Variants in ARHGEF26 observed in about 807,000 individuals in gnomAD.
ARHGEF26 encodes Rho guanine nucleotide exchange factor (GEF) 26.
ARHGEF26 carries 59 observed loss-of-function variants against 89.4 expected under a neutral mutation model. The ratio of observed to expected loss-of-function variants is 0.66; its 90% CI spans 0.54 to 0.82. The LOEUF (loss-of-function observed/expected upper bound fraction) is 0.82. Ranked by LOEUF, ARHGEF26 falls within the 40% of genes least tolerant of loss-of-function variation. ARHGEF26 has a pLI of 0.00. For missense variants in ARHGEF26, 1,234 were observed against 1,085.6 expected (o/e 1.14, Z -1.92); for synonymous variants, 500 against 428.4 (o/e 1.17, Z -2.06).
intron 4 of ARHGEF26, among the ~76,000 whole-genome samples, chr3:154,142,151 G>A (rs554247221): frequency 6.6e-5 from 10 of 152,206 alleles, no homozygotes; most frequent in African/African-American, 2.4e-4. Context: ...TAAACTAGAT[G>A]GGCTATTTGG....
intron 8 of ARHGEF26, among the ~76,000 whole-genome samples, chr3:154,193,210 T>C (rs1714059419): frequency 6.6e-6 from 1 of 152,190 alleles, no homozygotes; most frequent in African/African-American, 2.4e-5. Context: ...TTCATACCCA[T>C]TAGTGGGCCA....
At chr3:154,130,117 T>C (rs1718594423) in intron 4 of ARHGEF26, among the ~76,000 whole-genome samples, 1 of 151,458 alleles carries the variant, frequency 6.6e-6, no homozygotes, top group Admixed American at 6.6e-5. Context: ...CTCTGCACAA[T>C]AGAAAGCTAG....
chr3:154,129,983 ATC>A (rs758069553), intron 4 of ARHGEF26, among the ~76,000 whole-genome samples: 1 of 152,016 alleles, frequency 6.6e-6, no homozygotes, highest in South Asian at 2.1e-4. Flanking sequence ...TTTCTGCGAG[ATC>A]TCTCTTTTTG....
At chr3:154,221,494 A>T (rs533881064) in intron 10 of ARHGEF26, among the ~76,000 whole-genome samples, 7 of 152,336 alleles carry the variant, frequency 4.6e-5, no homozygotes, top group African/African-American at 1.7e-4. Flanking sequence ...AGATGTACTC[A>T]TGAATGTATA....
rs147452526 is a variant in ARHGEF26, at chr3:154,205,347, C to G, written c.1845+10629C>G. Among the ~76,000 whole-genome samples, 606 of 151,418 alleles carry G rather than the reference C, an allele frequency of 4.0e-3. 1 individual carries two copies. The highest frequency in any genetic ancestry group is 0.014 in the Middle Eastern group (4 of 294). ...CTCCTGTTTTTTTTTGTTTTGGTTT[C>G]CATTGACGTGGAGTATCTTTCTCCA... On this transcript the variant is annotated intron_variant, in intron 9 of 14. Coordinates refer to ENST00000465093, the MANE Select transcript of ARHGEF26 (RefSeq NM_015595.4).
In ARHGEF26 at chr3:154,121,926, C is replaced by T. The variant is rs1717951100; in HGVS notation, c.-51-16C>T. The T allele has an allele frequency of 2.6e-6, 4 of 1,514,028 alleles. No homozygotes were observed. The highest frequency in any genetic ancestry group is 2.8e-5 in the African/African-American group (2 of 71,804). The allele number at this position is 1,514,028 out of a possible 1,614,324, so 93.8% of individuals were successfully genotyped here. A position where few individuals can be genotyped will look rare whatever the true frequency, so the allele number is the denominator to read the frequency against. ...GTTGTCCAGAGGCACAGTTTCCTAA[C>T]TTCTTTCCTCTTTAGGCAAGACTAA... On this transcript the variant is annotated splice_polypyrimidine_tract_variant and intron_variant, in intron 1 of 14. Coordinates refer to ENST00000465093, the MANE Select transcript of ARHGEF26 (RefSeq NM_015595.4).
At chr3:154,247,743 A>AT (rs1440515373) in intron 12 of ARHGEF26, among the ~76,000 whole-genome samples, 2 of 151,994 alleles carry the variant, frequency 1.3e-5, no homozygotes, top group Admixed American at 6.5e-5. Flanking sequence ...TTGTTTTTCA[A>AT]TTTTTTGCTA....
At chr3:154,169,092 G>A (rs1712237175) in intron 6 of ARHGEF26, among the ~76,000 whole-genome samples, 1 of 152,032 alleles carries the variant, frequency 6.6e-6, no homozygotes, top group South Asian at 2.1e-4. Context: ...TTATAGATGA[G>A]GAAAGGGGAG....
chr3:154,176,479 T>TG (rs1462512460), intron 6 of ARHGEF26, among the ~76,000 whole-genome samples: 19 of 152,096 alleles, frequency 1.2e-4, no homozygotes, highest in Admixed American at 1.2e-3. Context: ...CTCTGGGTCC[T>TG]GGTGAGTGAC....
chr3:154,233,894 AT>A (rs1003431129), intron 11 of ARHGEF26, among the ~76,000 whole-genome samples: 3 of 152,144 alleles, frequency 2.0e-5, no homozygotes, highest in African/African-American at 7.2e-5. Flanking sequence ...TCTAGTAAAT[AT>A]TTTTTTCGGG....
chr3:154,147,120 T>C (rs1052878162), intron 4 of ARHGEF26, among the ~76,000 whole-genome samples: 13 of 152,218 alleles, frequency 8.5e-5, no homozygotes, highest in Admixed American at 7.2e-4. Context: ...ATTTTAAAAA[T>C]GAGGCCGGAC....
chr3:154,256,149 T>A lies in ARHGEF26; in HGVS notation c.*676T>A, dbSNP rs1468137938. ...TCACCCCATATTGTTCTTAAATAAG[T>A]ATAGACTAATTAACCTAAGCTACCT... On this transcript the variant is annotated 3_prime_UTR_variant, in exon 15 of 15. Transcript: ENST00000465093. 2 of 985,300 alleles carry A rather than the reference T, an allele frequency of 2.0e-6. No individual in the cohort carries two copies. The highest frequency in any genetic ancestry group is 2.3e-4 in the East Asian group (2 of 8,802). 61.0% of individuals were successfully genotyped at this position (985,300 alleles called of 1,614,324 possible). A position where few individuals can be genotyped will look rare whatever the true frequency, so the allele number is the denominator to read the frequency against.
At chr3:154,205,920 A>C (rs1228702706) in intron 9 of ARHGEF26, among the ~76,000 whole-genome samples, 1 of 152,108 alleles carries the variant, frequency 6.6e-6, no homozygotes, top group African/African-American at 2.4e-5. Context: ...GGTAGTTTAC[A>C]CACCATAGTT....
chr3:154,228,102 T>C (rs1490717874), intron 11 of ARHGEF26, among the ~76,000 whole-genome samples: 2 of 151,920 alleles, frequency 1.3e-5, no homozygotes, highest in Non-Finnish European at 2.9e-5. Context: ...CTTGTATTAT[T>C]AATAAAGAGC....
At chr3:154,248,526 AT>A (rs1361879371) in intron 12 of ARHGEF26, among the ~76,000 whole-genome samples, 1 of 152,134 alleles carries the variant, frequency 6.6e-6, no homozygotes, top group African/African-American at 2.4e-5. Context: ...TTAAATCTAA[AT>A]TCTAAGTCCA....
At chr3:154,213,729 G>C (rs1715546872) in intron 9 of ARHGEF26, among the ~76,000 whole-genome samples, 1 of 152,148 alleles carries the variant, frequency 6.6e-6, no homozygotes, top group African/African-American at 2.4e-5. Context: ...GATGTCAGGA[G>C]TTCAAGACCA....
chr3:154,185,285 G>GT (rs1713454334), intron 6 of ARHGEF26, among the ~76,000 whole-genome samples: 2 of 152,060 alleles, frequency 1.3e-5, no homozygotes, highest in African/African-American at 4.8e-5. Flanking sequence ...CACTCCACAG[G>GT]TTTAAGGTTT....
intron 6 of ARHGEF26, among the ~76,000 whole-genome samples, chr3:154,164,848 G>T (rs945461936): frequency 6.6e-6 from 1 of 152,108 alleles, no homozygotes. Context: ...GAAAAAATCT[G>T]CTGTGAATAA....
chr3:154,193,318 C>T (rs1487576335), intron 8 of ARHGEF26, among the ~76,000 whole-genome samples: 3 of 152,104 alleles, frequency 2.0e-5, no homozygotes, highest in South Asian at 4.2e-4. Flanking sequence ...TGCATGTGTG[C>T]TGGTTGCAGT....
Sources: gnomAD v4.1 joint callset for allele counts (sites outside exome capture counted in the v4.1 genomes callset) on GRCh38, gnomAD v4.1.1 for gene constraint, MANE v1.5 for transcripts, NCBI Gene and HGNC (gene_info 2026-07-23, HGNC 2026-07-21) for gene names.